Variants in ATF7IP2 observed in about 807,000 individuals in gnomAD.
ATF7IP2 encodes activating transcription factor 7 interacting protein 2.
In ATF7IP2, 42 loss-of-function variants were observed where a neutral mutation model predicts 64.2. The observed-to-expected ratio is 0.65, with a 90% CI of 0.51 to 0.85. ATF7IP2 has a LOEUF of 0.85. Among genes scored for constraint, ATF7IP2 ranks in the 40% least tolerant of loss-of-function variants. ATF7IP2 has a pLI of 0.00. For missense variants in ATF7IP2, 933 were observed against 784.2 expected (o/e 1.19, Z -2.27); for synonymous variants, 308 against 272.8 (o/e 1.13, Z -1.27).
At chr16:10,433,495 C>G (rs1253262823) in intron 5 of ATF7IP2, 30 bp from the exon 6 acceptor site, 6 of 1,592,224 alleles carry the variant, frequency 3.8e-6, no homozygotes, top group Non-Finnish European at 5.1e-6. Context: ...TTTAAAATAT[C>G]TTTCTTTCTA....
chr16:10,402,471 G>GT (rs1322603066), intron 1 of ATF7IP2, among the ~76,000 whole-genome samples: 6 of 151,918 alleles, frequency 3.9e-5, no homozygotes, highest in Non-Finnish European at 8.8e-5. Context: ...CCTTTGGTTT[G>GT]TTTCGTTTTG....
intron 1 of ATF7IP2, among the ~76,000 whole-genome samples, chr16:10,408,989 C>T (rs189556590): frequency 9.2e-5 from 14 of 152,324 alleles, no homozygotes; most frequent in African/African-American, 1.4e-4. Context: ...GTTTTCCCAG[C>T]AAGGCAATTT....
At chr16:10,415,519 T>C (rs924856637) in intron 2 of ATF7IP2, among the ~76,000 whole-genome samples, 1 of 152,198 alleles carries the variant, frequency 6.6e-6, no homozygotes, top group African/African-American at 2.4e-5. Context: ...ATGAAACTGC[T>C]AGAAGAAATC....
intron 9 of ATF7IP2, among the ~76,000 whole-genome samples, chr16:10,470,040 C>A (rs900961301): frequency 6.6e-6 from 1 of 151,956 alleles, no homozygotes; most frequent in South Asian, 2.1e-4. Context: ...GGAGATTTTT[C>A]AGGCAAAAGG....
At chr16:10,416,882 G>C (rs534573804) in intron 2 of ATF7IP2, among the ~76,000 whole-genome samples, 5 of 152,140 alleles carry the variant, frequency 3.3e-5, no homozygotes, top group African/African-American at 7.2e-5. Context: ...CAATAATTTA[G>C]TTATACATTT....
chr16:10,428,876 C>CT lies in ATF7IP2; in HGVS notation c.-140dup, dbSNP rs35956722. Reference sequence around the variant, plus strand: ...TTTTCTTTTTTTGATAGGAATCCTGCTTTTTTTTTTTCTTTGAGACACGGT... The same window carrying CT: ...TTTTCTTTTTTTGATAGGAATCCTGCTTTTTTTTTTTTCTTTGAGACACGGT... On this transcript the variant is annotated 5_prime_UTR_variant, in exon 4 of 14. Coordinates refer to ENST00000562102, the MANE Select transcript of ATF7IP2 (RefSeq NM_001393719.1). 93 of 148,180 alleles carry CT rather than the reference C, an allele frequency of 6.3e-4. No individual in the cohort carries two copies. Among genetic ancestry groups the CT allele is most frequent in the East Asian group, 2.0e-3 (10 of 5,098 alleles). 9.2% of individuals were successfully genotyped at this position (148,180 alleles called of 1,614,324 possible).
intron 3 of ATF7IP2, among the ~76,000 whole-genome samples, chr16:10,423,115 G>A (rs554857532): frequency 2.0e-5 from 3 of 152,282 alleles, no homozygotes; most frequent in African/African-American, 4.8e-5. Context: ...GTGGTGGCGG[G>A]CACCTGTAGT....
At chr16:10,410,716 G>A (rs981536914) in intron 1 of ATF7IP2, among the ~76,000 whole-genome samples, 5 of 152,140 alleles carry the variant, frequency 3.3e-5, no homozygotes, top group Non-Finnish European at 5.9e-5. Context: ...AGGCCACTGC[G>A]CCTGGCCTAT....
intron 3 of ATF7IP2, among the ~76,000 whole-genome samples, chr16:10,423,616 G>A (rs760720508): frequency 6.6e-6 from 1 of 152,176 alleles, no homozygotes; most frequent in Non-Finnish European, 1.5e-5. Context: ...GATCTGGAGG[G>A]TCAGGCCACT....
chr16:10,438,374 A>T, intron 7 of ATF7IP2, 139 bp downstream of exon 7: 1 of 782,602 alleles, frequency 1.3e-6, no homozygotes, highest in Non-Finnish European at 1.9e-6. Context: ...TCTCCAGAGT[A>T]GCTGAGACTA....
intron 10 of ATF7IP2, 107 bp from the exon 11 acceptor site, chr16:10,473,372 A>G (rs1389988626): frequency 4.2e-6 from 3 of 718,678 alleles, no homozygotes; most frequent in African/African-American, 1.8e-5. Context: ...TTATCACTGT[A>G]TAATTAACAG....
chr16:10,437,550 AT>A (rs1017656243), intron 6 of ATF7IP2, among the ~76,000 whole-genome samples: 8 of 152,218 alleles, frequency 5.3e-5, no homozygotes, highest in African/African-American at 1.9e-4. Flanking sequence ...CTTGTTCAAC[AT>A]TTATTATATT....
intron 13 of ATF7IP2, among the ~76,000 whole-genome samples, chr16:10,481,300 G>A (rs959698047): frequency 6.6e-6 from 1 of 152,028 alleles, no homozygotes; most frequent in Non-Finnish European, 1.5e-5. Flanking sequence ...GCATGATCTC[G>A]GCTCACTGCA....
chr16:10,421,598 T>G, intron 3 of ATF7IP2, among the ~76,000 whole-genome samples: 1 of 151,902 alleles, frequency 6.6e-6, no homozygotes, highest in East Asian at 1.9e-4. Context: ...CAAGTAGGAG[T>G]AAGGAGTAGT....
intron 1 of ATF7IP2, among the ~76,000 whole-genome samples, chr16:10,400,752 G>T (rs1368252291): frequency 6.6e-6 from 1 of 152,152 alleles, no homozygotes; most frequent in African/African-American, 2.4e-5. Flanking sequence ...CACGATCTTG[G>T]CTCATTGCAA....
At chr16:10,417,145 C>T (rs1000835518) in intron 2 of ATF7IP2, among the ~76,000 whole-genome samples, 4 of 152,064 alleles carry the variant, frequency 2.6e-5, no homozygotes, top group Non-Finnish European at 5.9e-5. Flanking sequence ...TTCCATTATA[C>T]CACAAAGACG....
chr16:10,470,818 T>C (rs918289440), intron 9 of ATF7IP2, among the ~76,000 whole-genome samples: 4 of 145,206 alleles, frequency 2.8e-5, no homozygotes, highest in African/African-American at 1.1e-4. Context: ...TATATATGTG[T>C]GTGTGTATAT....
intron 8 of ATF7IP2, among the ~76,000 whole-genome samples, chr16:10,445,059 TTTGC>T (rs971162981): frequency 2.0e-5 from 3 of 152,180 alleles, no homozygotes; most frequent in Admixed American, 1.3e-4. Flanking sequence ...TTTTTTAGAG[TTTGC>T]TTATTAGTTT....
chr16:10,433,612 G>A lies in ATF7IP2; in HGVS notation c.923G>A (p.Cys308Tyr). Reference protein sequence around the residue: ...KTSEQINENICVSLERQTAFL... With the variant: ...KTSEQINENIYVSLERQTAFL... ...TCAGAGCAAATTAATGAAAATATTT[G>A]TGTAAGTTTGGAAAGGCAAACAGCA... Residue 308 changes from cysteine to tyrosine, a missense_variant, in exon 6 of 14, where the codon TGT (cysteine) becomes TAT (tyrosine). By Grantham distance (194) the Cys-to-Tyr change is radical. Coordinates refer to ENST00000562102, the MANE Select transcript of ATF7IP2 (RefSeq NM_001393719.1). 6.2e-7 allele frequency: 1 copy of A among 1,613,804 alleles called. No homozygotes were observed. Among genetic ancestry groups the A allele is most frequent in the Non-Finnish European group, 8.5e-7 (1 of 1,179,804 alleles).
Sources: gnomAD v4.1 joint callset for allele counts (sites outside exome capture counted in the v4.1 genomes callset) on GRCh38, gnomAD v4.1.1 for gene constraint, MANE v1.5 for transcripts, NCBI Gene and HGNC (gene_info 2026-07-23, HGNC 2026-07-21) for gene names.